The following FANCI variants were observed in gnomAD, a reference collection of about 807,000 sequenced individuals.
FANCI encodes the protein Fanconi anemia group I protein.
Under a neutral mutation model 176.1 loss-of-function variants are expected in FANCI, and 156 were observed. That is an observed-to-expected ratio of 0.89 (90% confidence interval 0.78 to 1.01). FANCI has a LOEUF of 1.01. FANCI is among the 50% of genes least tolerant of loss of function. FANCI has a pLI of 0.00. For synonymous variants in FANCI, 613 were observed against 541.7 expected (o/e 1.13, Z -1.83); for missense variants, 1,678 against 1,534.1 (o/e 1.09, Z -1.57).
intron 9 of FANCI, among the ~76,000 whole-genome samples, chr15:89,266,397 C>T (rs145382353): frequency 6.8e-6 from 1 of 146,742 alleles, no homozygotes; most frequent in African/African-American, 2.5e-5. Flanking sequence ...GGCATGATGT[C>T]AGGTCACTGC....
At chr15:89,308,961 AAAG>A (rs911610204) in intron 34 of FANCI, among the ~76,000 whole-genome samples, 3 of 149,026 alleles carry the variant, frequency 2.0e-5, no homozygotes, top group African/African-American at 7.4e-5. Flanking sequence ...AAAAAAAAAT[AAAG>A]AATCAGCCAT....
chr15:89,316,818 A>G lies in FANCI; in HGVS notation c.*359A>G. On this transcript the variant is annotated 3_prime_UTR_variant, in exon 38 of 38. Transcript: ENST00000310775. ...GAGTTCAATTATCTGGTAAATATCC[A>G]GCGCTTCACCTGAAAGATAGTGCAA... The G allele has an allele frequency of 6.2e-7, 1 of 1,613,546 alleles. No individual in the cohort carries two copies. Among genetic ancestry groups the G allele is most frequent in the East Asian group, 2.2e-5 (1 of 44,880 alleles).
intron 14 of FANCI, among the ~76,000 whole-genome samples, chr15:89,280,087 T>C (rs983068511): frequency 6.6e-6 from 1 of 152,286 alleles, no homozygotes; most frequent in African/African-American, 2.4e-5. Context: ...AGTGGTGTGA[T>C]CTCAGCTCAC....
rs200358693 is a variant in FANCI at position 89,261,573 on chromosome 15, G to C, written c.289-12G>C. 1.9e-6 allele frequency: 3 copies of C among 1,613,974 alleles called. No homozygotes were observed. Among genetic ancestry groups the C allele is most frequent in the Non-Finnish European group, 2.5e-6 (3 of 1,179,964 alleles). ...TTCTGCTTGAGATTTCCTTTATCCT[G>C]TGAACTTTTAGGCTCACCATTTTCC... On this transcript the variant is annotated splice_polypyrimidine_tract_variant and intron_variant, in intron 4 of 37. Transcript: ENST00000310775.
chr15:89,312,695 C>A (rs995284843), intron 34 of FANCI, among the ~76,000 whole-genome samples: 7 of 152,086 alleles, frequency 4.6e-5, no homozygotes, highest in African/African-American at 1.7e-4. Context: ...TGGCACGTGC[C>A]TGTAGTCCCA....
chr15:89,263,783 C>T (rs1018357580), intron 7 of FANCI, 120 bp from the exon 8 acceptor site: 19 of 1,213,148 alleles, frequency 1.6e-5, no homozygotes, highest in Non-Finnish European at 1.9e-5. Flanking sequence ...TCTCTGCTCC[C>T]AAGTTTCATT....
At chr15:89,257,267 T>C (rs370134306) in intron 2 of FANCI, among the ~76,000 whole-genome samples, 1 of 152,216 alleles carries the variant, frequency 6.6e-6, no homozygotes, top group African/African-American at 2.4e-5. Context: ...TTTCTATTCT[T>C]AGTTCTCAAA....
At chr15:89,317,239 T>C, downstream of FANCI, 1 of 759,766 alleles carries the variant, frequency 1.3e-6, no homozygotes, top group Non-Finnish European at 2.3e-6. Context: ...GGGCACCTTA[T>C]AAACTGAAAT....
chr15:89,259,999 G>A (rs545308052), intron 3 of FANCI, among the ~76,000 whole-genome samples: 5 of 151,590 alleles, frequency 3.3e-5, no homozygotes, highest in African/African-American at 1.2e-4. Flanking sequence ...ATATATCTAG[G>A]AGTGGAATTG....
intron 12 of FANCI, among the ~76,000 whole-genome samples, chr15:89,275,793 C>T (rs1328055395): frequency 1.3e-5 from 2 of 152,172 alleles, no homozygotes; most frequent in African/African-American, 4.8e-5. Context: ...GACTTGAAAG[C>T]ATCTCCATGT....
chr15:89,281,555 C>T (rs2053615063), intron 15 of FANCI, among the ~76,000 whole-genome samples: 1 of 152,040 alleles, frequency 6.6e-6, no homozygotes, highest in Admixed American at 6.6e-5. Flanking sequence ...ACATTATTGA[C>T]TACAATAGAT....
Position 89,291,724 on chromosome 15 carries a change from T to A in FANCI, c.1992+10T>A. 1 of 1,598,252 alleles carries A rather than the reference T, an allele frequency of 6.3e-7. No individual in the cohort carries two copies. The highest frequency in any genetic ancestry group is 8.6e-7 in the Non-Finnish European group (1 of 1,165,804). On this transcript the variant is annotated intron_variant, in intron 20 of 37. Coordinates refer to ENST00000310775, the MANE Select transcript of FANCI (RefSeq NM_001113378.2). ...TCTACAAGAACCACTGGTGAGACTT[T>A]TATTCTTCCTTCAACCATTATTTTT... is the stretch of plus-strand genomic sequence containing the variant.
At chr15:89,275,300 C>G (rs2053369851) in intron 12 of FANCI, among the ~76,000 whole-genome samples, 1 of 151,946 alleles carries the variant, frequency 6.6e-6, no homozygotes, top group African/African-American at 2.4e-5. Flanking sequence ...TTGGAGCGTA[C>G]AGTTGGAATT....
intron 18 of FANCI, among the ~76,000 whole-genome samples, chr15:89,287,079 T>G (rs1254085379): frequency 6.7e-6 from 1 of 149,020 alleles, no homozygotes; most frequent in Non-Finnish European, 1.5e-5. Flanking sequence ...GTTCAAGTGA[T>G]TCTCCTGCCT....
intron 34 of FANCI, among the ~76,000 whole-genome samples, chr15:89,311,093 TA>T (rs10715067): frequency 0.089 from 13,487 of 151,580 alleles, 1,962 homozygotes; most frequent in African/African-American, 0.3. Context: ...CCATTTCTAC[TA>T]AAAAAAATAC....
chr15:89,283,385 G>T (rs1001923868), intron 17 of FANCI, 135 bp downstream of exon 17: 9 of 1,341,758 alleles, frequency 6.7e-6, no homozygotes, highest in Middle Eastern at 4.2e-4. Context: ...GATGATGATG[G>T]TGCTGATGAT....
intron 7 of FANCI, 127 bp from the exon 8 acceptor site, chr15:89,263,776 C>A: frequency 8.8e-7 from 1 of 1,133,314 alleles, no homozygotes; most frequent in Non-Finnish European, 1.3e-6. Context: ...CTTTAATTCT[C>A]TGCTCCCAAG....
intron 14 of FANCI, 75 bp downstream of exon 14, chr15:89,278,849 G>GA: frequency 1.6e-6 from 2 of 1,267,572 alleles, no homozygotes; most frequent in African/African-American, 1.5e-5. Context: ...TTGGTCCTGG[G>GA]AAAAAAATTT....
intron 1 of FANCI, among the ~76,000 whole-genome samples, chr15:89,246,763 CTTTTT>C (rs35104299): frequency 2.6e-5 from 3 of 113,940 alleles, no homozygotes; most frequent in Non-Finnish European, 3.4e-5. Context: ...TTCTTCCTTT[CTTTTT>C]TTTTTTTTTT....
Sources: allele counts gnomAD v4.1 joint callset (sites outside exome capture counted in the v4.1 genomes callset), GRCh38; gene constraint gnomAD v4.1.1; transcripts MANE v1.5; gene names NCBI Gene and HGNC (gene_info 2026-07-23, HGNC 2026-07-21).